EYS: variants seen among roughly 807,000 people sequenced by gnomAD.
The protein encoded by EYS is EGF-like photoreceptor maintenance factor.
EYS carries 250 observed loss-of-function variants against 282.1 expected under a neutral mutation model. The observed-to-expected ratio is 0.89, with a 90% CI of 0.80 to 0.98. The LOEUF is 0.98. Ranked by LOEUF, EYS falls within the 50% of genes least tolerant of loss-of-function variation. The pLI is 0.00. For synonymous variants in EYS, 1,355 were observed against 1,282.9 expected (o/e 1.06, Z -1.20); for missense variants, 4,016 against 3,709.0 (o/e 1.08, Z -2.15).
chr6:63,813,655 T>C (rs1456926233), intron 36 of EYS, among the ~76,000 whole-genome samples: 1 of 152,200 alleles, frequency 6.6e-6, no homozygotes, highest in Non-Finnish European at 1.5e-5. Context: ...CAAAAACCTG[T>C]GGGTGATTTT....
At chr6:65,049,745 G>T (rs1458868703) in intron 13 of EYS, among the ~76,000 whole-genome samples, 1 of 151,428 alleles carries the variant, frequency 6.6e-6, no homozygotes, top group Non-Finnish European at 1.5e-5. Context: ...AGAGTGTCAG[G>T]AGTACATTTT....
chr6:65,072,519 G>C (rs928348653), intron 12 of EYS, among the ~76,000 whole-genome samples: 1 of 151,616 alleles, frequency 6.6e-6, no homozygotes, highest in African/African-American at 2.4e-5. Flanking sequence ...TTATTTAAAA[G>C]AAATGGAACA....
At chr6:63,945,156 G>A (rs768016536) in intron 35 of EYS, among the ~76,000 whole-genome samples, 2 of 152,080 alleles carry the variant, frequency 1.3e-5, no homozygotes, top group Non-Finnish European at 2.9e-5. Flanking sequence ...GAAGGAAAGA[G>A]GTTTAATTGA....
intron 22 of EYS, chr6:64,631,634 G>A (rs1284836222): frequency 6.6e-6 from 1 of 151,898 alleles, no homozygotes; most frequent in East Asian, 1.9e-4. Context: ...CTTTTCCATG[G>A]GAGTTTTATA....
intron 26 of EYS, among the ~76,000 whole-genome samples, chr6:64,537,178 C>A (rs1284412080): frequency 1.6e-5 from 2 of 121,644 alleles, no homozygotes; most frequent in Admixed American, 2.1e-4. Context: ...CCACAACAGT[C>A]CCCAGAGTGT....
At chr6:64,144,033 A>C (rs1774432540) in intron 31 of EYS, among the ~76,000 whole-genome samples, 1 of 152,182 alleles carries the variant, frequency 6.6e-6, no homozygotes, top group African/African-American at 2.4e-5. Context: ...TGTTAGACTT[A>C]AGAATTTCAG....
intron 35 of EYS, among the ~76,000 whole-genome samples, chr6:63,877,499 T>C (rs1773007907): frequency 6.6e-6 from 1 of 152,224 alleles, no homozygotes; most frequent in Admixed American, 6.5e-5. Context: ...CTGTATTTCC[T>C]GAATTTGACT....
chr6:63,936,378 A>C (rs952194622), intron 35 of EYS, among the ~76,000 whole-genome samples: 3 of 152,214 alleles, frequency 2.0e-5, no homozygotes, highest in Admixed American at 6.5e-5. Context: ...TATTGATTAC[A>C]TCCCTGGATC....
intron 22 of EYS, among the ~76,000 whole-genome samples, chr6:64,665,264 G>A (rs150555491): frequency 0.014 from 2,114 of 152,192 alleles, 24 homozygotes; most frequent in Non-Finnish European, 0.022. Context: ...TTTAGGTAAT[G>A]TGGAACAAAT....
At chr6:63,756,837 A>G (rs151105809) in intron 41 of EYS, among the ~76,000 whole-genome samples, 1,836 of 152,244 alleles carry the variant, frequency 0.012, 30 homozygotes, top group African/African-American at 0.042. Flanking sequence ...TTTCATGGAC[A>G]TTTATCAGTT....
chr6:65,618,310 T>C (rs1268800680), intron 2 of EYS, among the ~76,000 whole-genome samples: 1 of 152,280 alleles, frequency 6.6e-6, no homozygotes, highest in Non-Finnish European at 1.5e-5. Flanking sequence ...CCAGTGATGG[T>C]GAGCATTTTT....
At chr6:64,011,904 G>C (rs1768651956) in intron 33 of EYS, among the ~76,000 whole-genome samples, 1 of 151,932 alleles carries the variant, frequency 6.6e-6, no homozygotes, top group Non-Finnish European at 1.5e-5. Context: ...CTTTTCTCTT[G>C]TCTTTAGGCT....
Position 64,595,923 on chromosome 6 carries a change from T to C in EYS, c.3685-2614A>G, listed in dbSNP as rs1048508501. On this transcript the variant is annotated intron_variant, in intron 24 of 42. Coordinates refer to ENST00000503581, the MANE Select transcript of EYS (RefSeq NM_001142800.2). ...TATTTCATAAAGAAAGTAGGTTTAA[T>C]TGGCTCTCAGTTCTGCAGGCTTTAG... is the stretch of plus-strand genomic sequence containing the variant. Among the ~76,000 whole-genome samples, 5 of 152,174 alleles carry C rather than the reference T, an allele frequency of 3.3e-5. No individual in the cohort carries two copies. In the East Asian group the frequency reaches 5.8e-4, roughly 18 times the overall value.
chr6:65,177,259 T>G (rs930131995), intron 12 of EYS, among the ~76,000 whole-genome samples: 3 of 151,888 alleles, frequency 2.0e-5, no homozygotes, highest in Non-Finnish European at 4.4e-5. Flanking sequence ...GCAATCACAT[T>G]TCAAAGACTT....
At chr6:63,954,307 T>A (rs1298602052) in intron 35 of EYS, among the ~76,000 whole-genome samples, 1 of 152,118 alleles carries the variant, frequency 6.6e-6, no homozygotes, top group Non-Finnish European at 1.5e-5. Flanking sequence ...ATCTTCCACA[T>A]CTATCATTGA....
intron 8 of EYS, among the ~76,000 whole-genome samples, chr6:65,375,647 T>A (rs1487329197): frequency 6.6e-6 from 1 of 151,890 alleles, no homozygotes; most frequent in Non-Finnish European, 1.5e-5. Context: ...GATACAGGAA[T>A]TGCTAACTAG....
intron 35 of EYS, among the ~76,000 whole-genome samples, chr6:63,908,031 TAC>T (rs1167670868): frequency 8.0e-5 from 4 of 50,186 alleles, no homozygotes; most frequent in East Asian, 6.7e-4. Context: ...TATATATATA[TAC>T]GTTTGTGTGT....
chr6:63,928,715 A>G (rs1562100003), intron 35 of EYS, among the ~76,000 whole-genome samples: 1 of 152,182 alleles, frequency 6.6e-6, no homozygotes, highest in Non-Finnish European at 1.5e-5. Flanking sequence ...TTTTAATTCA[A>G]GTTTCAATTC....
intron 19 of EYS, among the ~76,000 whole-genome samples, chr6:64,824,074 A>G (rs1041642243): frequency 6.6e-6 from 1 of 151,916 alleles, no homozygotes; most frequent in African/African-American, 2.4e-5. Context: ...AGAGTGAGTT[A>G]CAGATCCTCT....
Sources: allele counts gnomAD v4.1 joint callset (sites outside exome capture counted in the v4.1 genomes callset), GRCh38; gene constraint gnomAD v4.1.1; transcripts MANE v1.5; gene names NCBI Gene and HGNC (gene_info 2026-07-23, HGNC 2026-07-21).